PSME4: variants seen among roughly 807,000 people sequenced by gnomAD.
The protein encoded by PSME4 is proteasome activator subunit 4.
A neutral mutation model predicts 253.9 loss-of-function variants in PSME4; 89 were observed. The observed-to-expected ratio is 0.35, with a 90% CI of 0.30 to 0.42. The LOEUF (loss-of-function observed/expected upper bound fraction) is 0.42. PSME4 is among the 10% of genes least tolerant of loss of function. The probability of loss-of-function intolerance (pLI) is 1.00; values close to 1 mark genes in which losing one functional copy is unlikely to be tolerated. For missense variants in PSME4, 2,014 were observed against 2,195.2 expected, an observed-to-expected ratio of 0.92 and a Z score of 1.65; for synonymous variants, 851 against 759.2, an observed-to-expected ratio of 1.12 and a Z score of -1.99.
chr2:53,892,507 T>C (rs995714875), intron 36 of PSME4, among the ~76,000 whole-genome samples: 1 of 152,180 alleles, frequency 6.6e-6, no homozygotes, highest in Non-Finnish European at 1.5e-5. Context: ...CACAGTGCAA[T>C]AATGTAGGAC....
intron 3 of PSME4, among the ~76,000 whole-genome samples, chr2:53,940,555 T>A (rs1313468579): frequency 6.6e-6 from 1 of 152,008 alleles, no homozygotes; most frequent in Non-Finnish European, 1.5e-5. Flanking sequence ...TATAACTTAC[T>A]TTACAACATG....
At chr2:53,925,758 G>T in intron 13 of PSME4, 69 bp from the exon 14 acceptor site, 1 of 1,463,876 alleles carries the variant, frequency 6.8e-7, no homozygotes, top group South Asian at 1.2e-5. Context: ...TGGTCATCAG[G>T]TAACTCTCTA....
At position 53,930,631 on chromosome 2, in the gene PSME4, G is replaced by C. The variant is rs141326681; in HGVS notation, c.1316+1204C>G. Reference sequence around the variant, plus strand: ...CTAACTTGAATATTTATGGCAATGAGGGCAGGTAAGGCAGCATCAACAGCT... The same window carrying C: ...CTAACTTGAATATTTATGGCAATGACGGCAGGTAAGGCAGCATCAACAGCT... On this transcript the variant is annotated intron_variant, in intron 10 of 46. Transcript: ENST00000404125. 1.2e-4 allele frequency among the ~76,000 whole-genome samples: 18 copies of C among 152,340 alleles called. No homozygotes were observed. The East Asian group carries it at 3.3e-3, about 28-fold the overall frequency.
In PSME4 at chr2:53,927,491, A is replaced by T; in HGVS notation, c.1504-8T>A. 6.5e-7 allele frequency: 1 copy of T among 1,548,480 alleles called. No individual in the cohort carries two copies. ...TATGAACTGGAATGTGATCTGTGGA[A>T]ACATACAAAGGATTTTCAACATTAC... On this transcript the variant is annotated splice_polypyrimidine_tract_variant and splice_region_variant and intron_variant, in intron 11 of 46. Transcript: ENST00000404125.
rs564201814 is a variant in PSME4 at position 53,943,260 on chromosome 2, T to C, written c.501-3260A>G. Reference sequence around the variant, plus strand: ...TTCATAAATGAACTGGTTTTAACTGTAATGATGGACTATTCTGTATATATC... The same window carrying C: ...TTCATAAATGAACTGGTTTTAACTGCAATGATGGACTATTCTGTATATATC... On this transcript the variant is annotated intron_variant, in intron 3 of 46. Transcript: ENST00000404125. Among the ~76,000 whole-genome samples, 73 of 152,380 alleles carry C rather than the reference T, an allele frequency of 4.8e-4. 1 individual carries two copies. In the South Asian group the frequency reaches 0.015, roughly 31 times the overall value.
chr2:53,897,918 T>C lies in PSME4; in HGVS notation c.3558A>G (p.Ile1186Met). The C allele has an allele frequency of 6.2e-7, 1 of 1,613,492 alleles. No individual in the cohort carries two copies. Among genetic ancestry groups the C allele is most frequent in the African/African-American group, 1.3e-5 (1 of 74,968 alleles). ...GGTTGAGATTCTCAACAAAAAACCG[T>C]ATGGCACGAAGAGGCAACACTCGGT... ...RDDRVLPLRA[I>M]RFFVENLNHD... is the part of the protein sequence containing the mutation. The change falls in exon 31 of 47, where the codon ATA (isoleucine) becomes ATG (methionine). Residue 1186 changes from isoleucine to methionine, a missense_variant. Ile to Met is a conservative substitution (Grantham distance 10, BLOSUM62 1). Around this residue, in one of 4 missense-constraint regions of PSME4, gnomAD observed 989 missense variants for 1,021.1 expected, o/e 0.97. Transcript: ENST00000404125.
intron 3 of PSME4, among the ~76,000 whole-genome samples, chr2:53,943,606 C>T (rs1364739132): frequency 2.6e-5 from 4 of 151,926 alleles, no homozygotes; most frequent in South Asian, 2.1e-4. Flanking sequence ...TTTGGGAAGC[C>T]GAGGCGGGTG....
chr2:53,866,624 G>T, intron 45 of PSME4, 123 bp downstream of exon 45: 2 of 1,081,864 alleles, frequency 1.8e-6, no homozygotes, highest in Admixed American at 2.9e-5. Flanking sequence ...AGCAGACTAA[G>T]CCTTGGCAGA....
chr2:53,868,512 AT>A (rs1278547926), intron 44 of PSME4, among the ~76,000 whole-genome samples: 3 of 58,818 alleles, frequency 5.1e-5, no homozygotes, highest in Non-Finnish European at 1.1e-4. Context: ...ATATTATAAA[AT>A]ATATTTATAA....
At chr2:53,917,137 C>A (rs1181360238) in intron 20 of PSME4, 2 of 150,528 alleles carry the variant, frequency 1.3e-5, no homozygotes, top group Non-Finnish European at 3.0e-5. Context: ...ATTTTTATTA[C>A]TTCATCATAT....
At position 53,970,888 on chromosome 2, in the gene PSME4, T is replaced by G; in HGVS notation, c.-104A>C. ...CGCGTCTTCGTCGCCCTGCGGCCGC[T>G]GGCGGCCCGTCGCCCTCGGACCGAT... On this transcript the variant is annotated 5_prime_UTR_variant, in exon 1 of 47. Coordinates refer to ENST00000404125, the MANE Select transcript of PSME4 (RefSeq NM_014614.3). 7.7e-5 allele frequency: 75 copies of G among 973,790 alleles called. No homozygotes were observed. The highest frequency in any genetic ancestry group is 3.5e-4 in the Middle Eastern group (1 of 2,852). The allele number at this position is 973,790 out of a possible 1,614,324, so 60.3% of individuals were successfully genotyped here. A position where few individuals can be genotyped will look rare whatever the true frequency, so the allele number is the denominator to read the frequency against.
At chr2:53,966,326 T>A (rs1670734630) in intron 1 of PSME4, among the ~76,000 whole-genome samples, 1 of 150,662 alleles carries the variant, frequency 6.6e-6, no homozygotes, top group Non-Finnish European at 1.5e-5. Context: ...ACTACTTAAT[T>A]TAAAGTTTGA....
chr2:53,916,302 T>C (rs1191504840), intron 20 of PSME4, among the ~76,000 whole-genome samples: 1 of 151,980 alleles, frequency 6.6e-6, no homozygotes, highest in Non-Finnish European at 1.5e-5. Flanking sequence ...TGGTCTGGTA[T>C]TTCAGAAAAT....
intron 1 of PSME4, among the ~76,000 whole-genome samples, chr2:53,960,270 G>A (rs1670421897): frequency 6.6e-6 from 1 of 151,926 alleles, no homozygotes; most frequent in Admixed American, 6.6e-5. Context: ...ATGGTGGCGG[G>A]CGCCTGTAAT....
chr2:53,954,964 G>A (rs541167006), intron 1 of PSME4, among the ~76,000 whole-genome samples: 1 of 152,132 alleles, frequency 6.6e-6, no homozygotes, highest in Admixed American at 6.5e-5. Context: ...AAGATCACTT[G>A]AGGACAGGAA....
rs753169709 is a variant in PSME4 at position 53,937,384 on chromosome 2, T to A, written c.695+7A>T. 2 of 1,572,338 alleles carry A rather than the reference T, an allele frequency of 1.3e-6. No individual in the cohort carries two copies. Among genetic ancestry groups the A allele is most frequent in the South Asian group, 2.3e-5 (2 of 86,282 alleles). On this transcript the variant is annotated splice_region_variant and intron_variant, in intron 5 of 46. Coordinates refer to ENST00000404125, the MANE Select transcript of PSME4 (RefSeq NM_014614.3). ...TTTAGAATTTGTCAAGATATGAACA[T>A]ACTTACTTAAAACCTTTATGATGAA...
Position 53,887,508 on chromosome 2 carries a change from TTATAAATAAAAATGAGGTTCAAAAGTTA to T in PSME4, c.4521-69_4521-42del, listed in dbSNP as rs1296715226. The stretch of plus-strand genomic sequence containing the variant: ...CTTAATAATAGGAAGAGGTGCCACA[TTATAAATAAAAATGAGGTTCAAAAGTTA>T]TGACCCAATCAAAGTAAACTGTCCC... On this transcript the variant is annotated intron_variant, in intron 39 of 46. Transcript: ENST00000404125. 4 of 1,526,550 alleles carry T rather than the reference TTATAAATAAAAATGAGGTTCAAAAGTTA, an allele frequency of 2.6e-6. No homozygotes were observed. In the African/African-American group the frequency reaches 5.6e-5, roughly 21 times the overall value. 94.6% of individuals were successfully genotyped at this position (1,526,550 alleles called of 1,614,324 possible). A position where few individuals can be genotyped will look rare whatever the true frequency, so the allele number is the denominator to read the frequency against.
intron 1 of PSME4, among the ~76,000 whole-genome samples, chr2:53,961,935 T>C (rs992262790): frequency 9.9e-5 from 15 of 152,186 alleles, no homozygotes; most frequent in East Asian, 5.8e-4. Context: ...TTTGTCCCGA[T>C]TGGCTAGCAA....
intron 1 of PSME4, among the ~76,000 whole-genome samples, chr2:53,958,182 T>A: frequency 2.1e-5 from 2 of 94,142 alleles, no homozygotes; most frequent in African/African-American, 8.9e-5. Flanking sequence ...AAAGACTCTG[T>A]CAAAAAAAAA....
Sources: gnomAD v4.1 joint callset for allele counts (sites outside exome capture counted in the v4.1 genomes callset) on GRCh38, gnomAD v4.1.1 for gene constraint, gnomAD v4.1.1 regional missense constraint, MANE v1.5 for transcripts, NCBI Gene and HGNC (gene_info 2026-07-23, HGNC 2026-07-21) for gene names.